DUSP10: variants seen among roughly 807,000 people sequenced by gnomAD.
DUSP10 encodes dual specificity phosphatase 10.
Under a neutral mutation model 30.8 loss-of-function variants are expected in DUSP10, and 14 were observed. The observed-to-expected ratio is 0.46, with a 90% confidence interval of 0.30 to 0.71. The LOEUF is 0.71. Among genes scored for constraint, DUSP10 ranks in the 30% least tolerant of loss-of-function variants. The probability of loss-of-function intolerance (pLI) is 0.08; values close to 1 mark genes in which losing one functional copy is unlikely to be tolerated. For synonymous variants in DUSP10, 254 were observed against 250.4 expected (o/e 1.01, Z -0.14); for missense variants, 550 against 619.4 (o/e 0.89, Z 1.19).
chr1:221,737,169 C>T (rs891614592), intron 2 of DUSP10: 193 of 985,322 alleles, frequency 2.0e-4, no homozygotes, highest in Non-Finnish European at 2.2e-4. Flanking sequence ...TCCTTGTAAT[C>T]ATCCCCATGA....
intron 3 of DUSP10, among the ~76,000 whole-genome samples, chr1:221,705,135 G>A (rs1456601408): frequency 2.0e-5 from 3 of 147,648 alleles, no homozygotes; most frequent in African/African-American, 5.0e-5. Flanking sequence ...TTGAGACAGA[G>A]TTTCACTGTT....
intron 2 of DUSP10, among the ~76,000 whole-genome samples, chr1:221,722,366 C>T (rs1436580065): frequency 3.3e-5 from 5 of 152,264 alleles, no homozygotes; most frequent in East Asian, 1.9e-4. Context: ...TTTGCTCTCC[C>T]CCTCTCAGAA....
chr1:221,728,803 A>G (rs1661496496), intron 2 of DUSP10, among the ~76,000 whole-genome samples: 2 of 152,194 alleles, frequency 1.3e-5, no homozygotes, highest in South Asian at 4.1e-4. Context: ...CTTTTTACCT[A>G]ACTTTGTACT....
intron 2 of DUSP10, among the ~76,000 whole-genome samples, chr1:221,715,983 G>C (rs1661090796): frequency 6.9e-6 from 1 of 145,562 alleles, no homozygotes. Context: ...CCTCTACCCT[G>C]ATCCCTCCTC....
chr1:221,738,159 T>C (rs1661835932), intron 2 of DUSP10, among the ~76,000 whole-genome samples: 1 of 152,202 alleles, frequency 6.6e-6, no homozygotes, highest in African/African-American at 2.4e-5. Flanking sequence ...AATAATTCCT[T>C]CTGCCAGAGC....
At chr1:221,703,104 A>C (rs1030250862) in intron 3 of DUSP10, among the ~76,000 whole-genome samples, 1 of 152,200 alleles carries the variant, frequency 6.6e-6, no homozygotes, top group Admixed American at 6.5e-5. Context: ...CTGAAAGAAA[A>C]AAAAAGAATG....
At chr1:221,733,004 TG>T (rs1229834451) in intron 2 of DUSP10, among the ~76,000 whole-genome samples, 15 of 152,338 alleles carry the variant, frequency 9.8e-5, no homozygotes, top group African/African-American at 3.6e-4. Flanking sequence ...CTCCTTAATA[TG>T]TAGTCTATCT....
At chr1:221,740,274 T>C (rs1055341964) in intron 1 of DUSP10, among the ~76,000 whole-genome samples, 4 of 152,194 alleles carry the variant, frequency 2.6e-5, no homozygotes, top group Admixed American at 6.5e-5. Flanking sequence ...ACTGGCATGG[T>C]TCACAGAAAG....
At chr1:221,728,824 T>C (rs1259274416) in intron 2 of DUSP10, among the ~76,000 whole-genome samples, 1 of 152,268 alleles carries the variant, frequency 6.6e-6, no homozygotes, top group Admixed American at 6.5e-5. Flanking sequence ...TGTACTTTTC[T>C]TTACCTTTGT....
chr1:221,704,948 C>T (rs892522009), intron 3 of DUSP10, among the ~76,000 whole-genome samples: 13 of 152,120 alleles, frequency 8.5e-5, no homozygotes, highest in African/African-American at 3.1e-4. Context: ...AAAGGAACAC[C>T]CCACTCCACT....
intron 2 of DUSP10, among the ~76,000 whole-genome samples, chr1:221,735,393 C>G (rs1425790179): frequency 6.6e-6 from 1 of 152,062 alleles, no homozygotes. Flanking sequence ...CAGAGGGATT[C>G]GAAGTTGAAA....
Position 221,739,335 on chromosome 1 carries a change from A to G in DUSP10, c.410T>C (p.Val137Ala). The G allele has an allele frequency of 1.2e-6, 2 of 1,614,078 alleles. No homozygotes were observed. The highest frequency in any genetic ancestry group is 1.3e-5 in the African/African-American group (1 of 75,032). Residue 137 changes from valine to alanine, a missense_variant, in exon 2 of 4, where the codon GTG becomes GCG. Coordinates refer to ENST00000366899, the MANE Select transcript of DUSP10 (RefSeq NM_007207.6). ...GGCTAGCTGCTTGGGGGTCCCTGAC[A>G]CAGGGCTGCCCACCCCACTTGATGG... The part of the protein sequence containing the change: ...LSPSSGVGSP[V>A]SGTPKQLASI...
intron 2 of DUSP10, chr1:221,736,841 A>G: frequency 1.0e-6 from 1 of 985,432 alleles, no homozygotes; most frequent in Non-Finnish European, 1.2e-6. Context: ...AAATAATCTA[A>G]CCTCTACCAC....
intron 2 of DUSP10, among the ~76,000 whole-genome samples, chr1:221,735,125 T>C (rs1265713928): frequency 2.0e-5 from 3 of 152,204 alleles, no homozygotes; most frequent in African/African-American, 7.2e-5. Flanking sequence ...CATGATCAAA[T>C]CCTCCCCATG....
rs146038370 is a variant in DUSP10 at position 221,718,226 on chromosome 1, G to T, written c.812-11760C>A. Among the ~76,000 whole-genome samples, 246 of 152,196 alleles carry T rather than the reference G, an allele frequency of 1.6e-3. 2 individuals carry two copies. The highest frequency in any genetic ancestry group is 2.0e-3 in the Non-Finnish European group (133 of 68,014). ...AGTTCCATGAACCAGCTACATGCAC[G>T]CACAGAAGCCCACTCCTCTCCCAAA... On this transcript the variant is annotated intron_variant, in intron 2 of 3. Coordinates refer to ENST00000366899, the MANE Select transcript of DUSP10 (RefSeq NM_007207.6).
At chr1:221,723,695 G>A (rs1306534484) in intron 2 of DUSP10, among the ~76,000 whole-genome samples, 1 of 152,158 alleles carries the variant, frequency 6.6e-6, no homozygotes, top group Admixed American at 6.5e-5. Flanking sequence ...GCCAGATAAA[G>A]ACACATACAG....
At position 221,736,424 on chromosome 1, in the gene DUSP10, G is replaced by A. The variant is rs78430180; in HGVS notation, c.811+2510C>T. On this transcript the variant is annotated intron_variant, in intron 2 of 3. Coordinates refer to ENST00000366899, the MANE Select transcript of DUSP10 (RefSeq NM_007207.6). The stretch of plus-strand genomic sequence containing the variant: ...CTGCAAAAATTACTCCTTCCGAAAT[G>A]GTACCACTACCACTCTTGCTGAAAC... Among the ~76,000 whole-genome samples the A allele has an allele frequency of 4.7e-3, 713 of 152,258 alleles. 21 individuals are homozygous for A. The East Asian group carries it at 0.077, about 16-fold the overall frequency.
intron 2 of DUSP10, among the ~76,000 whole-genome samples, chr1:221,727,399 A>AAC (rs1661455001): frequency 6.6e-6 from 1 of 152,218 alleles, no homozygotes; most frequent in South Asian, 2.1e-4. Context: ...AGAGTTAGGA[A>AAC]ACATGAATCC....
intron 2 of DUSP10, among the ~76,000 whole-genome samples, chr1:221,729,140 C>T (rs1661505985): frequency 6.6e-6 from 1 of 152,172 alleles, no homozygotes; most frequent in Non-Finnish European, 1.5e-5. Flanking sequence ...TTAGAATTAT[C>T]ACAGTTTTCA....
Sources: allele counts gnomAD v4.1 joint callset (sites outside exome capture counted in the v4.1 genomes callset), GRCh38; gene constraint gnomAD v4.1.1; transcripts MANE v1.5; gene names NCBI Gene and HGNC (gene_info 2026-07-23, HGNC 2026-07-21).